The following TSNARE1 variants were observed in gnomAD, a reference collection of about 807,000 sequenced individuals.
TSNARE1 encodes the protein t-SNARE domain containing 1.
A neutral mutation model predicts 62.0 loss-of-function variants in TSNARE1; 49 were observed. The observed-to-expected ratio is 0.79, with a 90% CI of 0.63 to 1.00. TSNARE1 has a LOEUF of 1.00. TSNARE1 is among the 50% of genes least tolerant of loss of function. The pLI is 0.00. For missense variants in TSNARE1, 755 were observed against 700.1 expected (o/e 1.08, Z -0.88); for synonymous variants, 328 against 294.4 (o/e 1.11, Z -1.17).
chr8:142,331,780 G>A lies in TSNARE1; in HGVS notation c.797C>T (p.Ala266Val). The change falls in exon 5 of 14, where the codon GCC (alanine) becomes GTC (valine). Residue 266 changes from alanine to valine, a missense_variant. Physicochemically the swap from Ala to Val is moderately conservative, Grantham distance 64. Coordinates refer to ENST00000524325, the MANE Select transcript of TSNARE1 (RefSeq NM_145003.5). ...ACTGGAGTTGATTCGGAAGACGTTG[G>A]CCGACATCTCCTGGAACAGCTCCTG... The part of the protein sequence containing the change: ...NLQELFQEMS[A>V]NVFRINSSVT... 3 of 1,605,848 alleles carry A rather than the reference G, an allele frequency of 1.9e-6. No homozygotes were observed. Among genetic ancestry groups the A allele is most frequent in the Non-Finnish European group, 2.6e-6 (3 of 1,176,350 alleles).
intron 12 of TSNARE1, among the ~76,000 whole-genome samples, chr8:142,269,145 C>T (rs1477458269): frequency 2.6e-5 from 4 of 152,210 alleles, no homozygotes; most frequent in Non-Finnish European, 5.9e-5. Flanking sequence ...CCAGAAGATG[C>T]CTGGACTGAC....
At chr8:142,216,219 G>A (rs1206430981) in intron 13 of TSNARE1, among the ~76,000 whole-genome samples, 2 of 152,172 alleles carry the variant, frequency 1.3e-5, no homozygotes, top group South Asian at 2.1e-4. Context: ...TGGTGCCCCC[G>A]CCCCTCCTCT....
intron 10 of TSNARE1, among the ~76,000 whole-genome samples, chr8:142,292,920 G>A (rs1296305057): frequency 6.6e-6 from 1 of 152,016 alleles, no homozygotes; most frequent in African/African-American, 2.4e-5. Context: ...CCTGTCAGTC[G>A]GGCTCTTCAC....
At chr8:142,401,560 T>A (rs1838295308) in intron 1 of TSNARE1, among the ~76,000 whole-genome samples, 1 of 152,118 alleles carries the variant, frequency 6.6e-6, no homozygotes, top group African/African-American at 2.4e-5. Context: ...CATGAGCCCC[T>A]AGACTGAGTG....
upstream of TSNARE1, chr8:142,403,857 T>A (rs541751455): frequency 1.3e-5 from 2 of 152,334 alleles, no homozygotes; most frequent in Non-Finnish European, 2.9e-5. Flanking sequence ...TCCCTTTCCC[T>A]GCTCTGCCTG....
chr8:142,274,314 G>T (rs552001453), intron 12 of TSNARE1: 1 of 985,424 alleles, frequency 1.0e-6, no homozygotes, highest in Admixed American at 6.1e-5. Context: ...TGAGTGGCTA[G>T]TCCTCAAGGT....
rs760043194 is a variant in TSNARE1, at chr8:142,331,787, TCTCCTGGAACAG to T, written c.778_789del (p.Leu260_Glu263del). 3 of 1,607,246 alleles carry T rather than the reference TCTCCTGGAACAG, an allele frequency of 1.9e-6. No individual in the cohort carries two copies. Among genetic ancestry groups the T allele is most frequent in the African/African-American group, 1.3e-5 (1 of 74,758 alleles). ...TTGATTCGGAAGACGTTGGCCGACATCTCCTGGAACAGCTCCTGGAGGTTGCACGGATCGACC... is the reference window on the plus strand; with the variant it reads ...TTGATTCGGAAGACGTTGGCCGACATCTCCTGGAGGTTGCACGGATCGACC... On this transcript the variant is annotated inframe_deletion, in exon 5 of 14. Coordinates refer to ENST00000524325, the MANE Select transcript of TSNARE1 (RefSeq NM_145003.5).
At chr8:142,251,717 C>A (rs1249321665) in intron 12 of TSNARE1, among the ~76,000 whole-genome samples, 1 of 151,638 alleles carries the variant, frequency 6.6e-6, no homozygotes, top group Non-Finnish European at 1.5e-5. Flanking sequence ...AGGGCCCGGG[C>A]ACCATGTACC....
At chr8:142,324,902 G>A (rs543817633) in intron 6 of TSNARE1, among the ~76,000 whole-genome samples, 17 of 152,364 alleles carry the variant, frequency 1.1e-4, no homozygotes, top group African/African-American at 2.9e-4. Context: ...CCGGTCCCTC[G>A]GCTGAGGGGG....
chr8:142,324,880 G>C (rs918035454), intron 6 of TSNARE1, among the ~76,000 whole-genome samples: 3 of 152,362 alleles, frequency 2.0e-5, no homozygotes, highest in African/African-American at 7.2e-5. Context: ...CCTAGTGACT[G>C]CGACGCCCCT....
intron 1 of TSNARE1, among the ~76,000 whole-genome samples, chr8:142,355,805 C>A (rs1475585400): frequency 6.6e-6 from 1 of 152,208 alleles, no homozygotes; most frequent in East Asian, 1.9e-4. Context: ...TGAGTACAGA[C>A]CCAAGTCCCT....
At chr8:142,335,597 C>A (rs75903512) in intron 4 of TSNARE1, among the ~76,000 whole-genome samples, 1 of 150,262 alleles carries the variant, frequency 6.7e-6, no homozygotes, top group Non-Finnish European at 1.5e-5. Context: ...CAATTCTACT[C>A]CAAAAAAAAA....
chr8:142,279,860 T>C lies in TSNARE1; in HGVS notation c.1363+4553A>G, dbSNP rs371133535. The C allele has an allele frequency of 1.4e-4, 144 of 1,029,928 alleles. 1 individual carries two copies. The African/African-American group carries it at 2.3e-3, about 16-fold the overall frequency. 63.8% of individuals were successfully genotyped at this position (1,029,928 alleles called of 1,614,324 possible). On this transcript the variant is annotated intron_variant, in intron 11 of 13. Transcript: ENST00000524325. Reference sequence around the variant, plus strand: ...CGGGCTGTGGGGAAGGCCCACTTACTTGGCAGGGGCTCCGTGGTCTGGCCC... The same window carrying C: ...CGGGCTGTGGGGAAGGCCCACTTACCTGGCAGGGGCTCCGTGGTCTGGCCC...
chr8:142,313,063 T>C (rs1001995525), intron 9 of TSNARE1, among the ~76,000 whole-genome samples: 1 of 152,176 alleles, frequency 6.6e-6, no homozygotes, highest in African/African-American at 2.4e-5. Context: ...TATCTGCATG[T>C]GTCTGTGTGT....
In TSNARE1 at chr8:142,237,147, C is replaced by G. The variant is rs868197458; in HGVS notation, c.1447-7568G>C. ...TCCCCAGAGCCCACCTCCTGCTCAG[C>G]CTCCCCTCCTGCGGCCCGACTCACC... On this transcript the variant is annotated intron_variant, in intron 12 of 13. Transcript: ENST00000524325. Among the ~76,000 whole-genome samples the G allele has an allele frequency of 5.7e-5, 6 of 105,646 alleles. No individual in the cohort carries two copies. In the South Asian group the frequency reaches 2.1e-3, roughly 36 times the overall value. The allele number at this position is 105,646 out of a possible 152,430, so 69.3% of individuals were successfully genotyped here. A position where few individuals can be genotyped will look rare whatever the true frequency, so the allele number is the denominator to read the frequency against.
At chr8:142,304,978 A>G (rs373453673) in intron 9 of TSNARE1, among the ~76,000 whole-genome samples, 13 of 152,246 alleles carry the variant, frequency 8.5e-5, no homozygotes, top group African/African-American at 2.9e-4. Flanking sequence ...TAAACATAAC[A>G]AACTTTTGAG....
At chr8:142,354,880 T>G in intron 1 of TSNARE1, 117 bp from the exon 2 acceptor site, 1 of 610,140 alleles carries the variant, frequency 1.6e-6, no homozygotes, top group African/African-American at 1.9e-5. Context: ...GGCTCCATTG[T>G]ACCCATTCCC....
chr8:142,334,449 G>A (rs1165544987), intron 4 of TSNARE1, among the ~76,000 whole-genome samples: 2 of 151,646 alleles, frequency 1.3e-5, no homozygotes, highest in Non-Finnish European at 2.9e-5. Context: ...CAGGTGACCT[G>A]CTCAAGGTCA....
chr8:142,377,226 G>A (rs1836407677), intron 1 of TSNARE1, among the ~76,000 whole-genome samples: 1 of 152,080 alleles, frequency 6.6e-6, no homozygotes, highest in South Asian at 2.1e-4. Flanking sequence ...ATCTATCCCA[G>A]ATAGACTAAA....
Sources: allele counts gnomAD v4.1 joint callset (sites outside exome capture counted in the v4.1 genomes callset), GRCh38; gene constraint gnomAD v4.1.1; transcripts MANE v1.5; gene names NCBI Gene and HGNC (gene_info 2026-07-23, HGNC 2026-07-21).